The following CNTRL variants were observed in gnomAD, a reference collection of about 807,000 sequenced individuals.
The protein encoded by CNTRL is 110 kDa centrosomal protein.
A neutral mutation model predicts 303.7 loss-of-function variants in CNTRL; 233 were observed. The ratio of observed to expected loss-of-function variants is 0.77; its 90% CI spans 0.69 to 0.86. The LOEUF (loss-of-function observed/expected upper bound fraction) is 0.86, where lower values mean the gene tolerates loss of function less well. Among genes scored for constraint, CNTRL ranks in the 40% least tolerant of loss-of-function variants. The pLI is 0.00. For missense variants in CNTRL, 2,524 were observed against 2,650.6 expected, an observed-to-expected ratio of 0.95 and a Z score of 1.05; for synonymous variants, 900 against 922.2, an observed-to-expected ratio of 0.98 and a Z score of 0.44.
chr9:121,158,200 C>T (rs550932942), intron 30 of CNTRL, 91 bp downstream of exon 30: 34 of 1,431,374 alleles, frequency 2.4e-5, no homozygotes, highest in African/African-American at 1.2e-4. Context: ...AGAATAAATG[C>T]GGCTATGTAT....
intron 8 of CNTRL, among the ~76,000 whole-genome samples, chr9:121,110,009 C>A (rs2133068893): frequency 6.6e-6 from 1 of 152,164 alleles, no homozygotes; most frequent in East Asian, 1.9e-4. Context: ...TTTTTATTAT[C>A]TTTTGCAGAA....
chr9:121,113,657 C>T lies in CNTRL; in HGVS notation c.1278C>T (p.His426=), dbSNP rs763230429. The change falls in exon 10 of 44, where the codon CAC becomes CAT. Residue 426 remains histidine (H), a synonymous_variant. Transcript: ENST00000373855. ...CAGATGAACAACTTAGAAATGATCA[C>T]ATGAACTTGAGAGGCCACACACCAC... ...MEPDEQLRND[H]MNLRGHTPLD... is the part of the protein sequence containing the mutation. The T allele has an allele frequency of 2.4e-5, 39 of 1,603,652 alleles. No individual in the cohort carries two copies. Among genetic ancestry groups the T allele is most frequent in the Non-Finnish European group, 3.1e-5 (37 of 1,176,428 alleles).
intron 16 of CNTRL, among the ~76,000 whole-genome samples, chr9:121,139,549 C>T (rs2133948710): frequency 6.6e-6 from 1 of 152,310 alleles, no homozygotes; most frequent in Non-Finnish European, 1.5e-5. Flanking sequence ...TTAATTTTTA[C>T]TGCTCTCAGT....
At chr9:121,161,804 GT>G in intron 32 of CNTRL, 51 bp from the exon 33 acceptor site, 1 of 1,344,494 alleles carries the variant, frequency 7.4e-7, no homozygotes, top group Middle Eastern at 1.8e-4. Context: ...TTTTGTAAAT[GT>G]TTTCCAAGTT....
intron 34 of CNTRL, among the ~76,000 whole-genome samples, chr9:121,162,998 A>G (rs2052920698): frequency 6.6e-6 from 1 of 152,094 alleles, no homozygotes; most frequent in Admixed American, 6.6e-5. Flanking sequence ...TACAAAACCA[A>G]AAAAAGAATC....
chr9:121,077,343 C>T (rs1431177300), intron 1 of CNTRL, among the ~76,000 whole-genome samples: 2 of 151,648 alleles, frequency 1.3e-5, no homozygotes, highest in Non-Finnish European at 1.5e-5. Flanking sequence ...AAACAACATC[C>T]TAGATCAAAC....
At chr9:121,154,682 A>G in intron 26 of CNTRL, 39 bp from the exon 27 acceptor site, 1 of 1,276,718 alleles carries the variant, frequency 7.8e-7, no homozygotes, top group Non-Finnish European at 1.1e-6. Flanking sequence ...TATTGTCTAC[A>G]TTTAACATTT....
At chr9:121,103,478 C>T (rs2049288697) in intron 7 of CNTRL, among the ~76,000 whole-genome samples, 1 of 152,196 alleles carries the variant, frequency 6.6e-6, no homozygotes, top group African/African-American at 2.4e-5. Flanking sequence ...CTATTCAGGA[C>T]ATAGGCATGG....
At position 121,157,890 on chromosome 9, in the gene CNTRL, G is replaced by A. The variant is rs368232062; in HGVS notation, c.4637+10G>A. The A allele has an allele frequency of 5.1e-5, 82 of 1,613,760 alleles. 1 individual carries two copies. In the African/African-American group the frequency reaches 9.2e-4, roughly 18 times the overall value. On this transcript the variant is annotated intron_variant, in intron 29 of 43. Transcript: ENST00000373855. ...AAAAACTGACAGAAGAGTAAGTAAG[G>A]CCTCTGTAGGGCTACAAGGGGTTTG...
In CNTRL at chr9:121,169,755, A is replaced by G. The variant is rs1564304064; in HGVS notation, c.6215A>G (p.Gln2072Arg). ...FLTERKKAEKQVASLKEALKI... is the reference protein window; with the variant it reads ...FLTERKKAEKRVASLKEALKI... ...ACAGAAAGAAAGAAAGCTGAGAAGC[A>G]GGTGGCCAGCCTGAAGGAAGCACTT... The change falls in exon 39 of 44, where the codon CAG (glutamine) becomes CGG (arginine). Residue 2072 changes from glutamine to arginine, a missense_variant. Physicochemically the swap from Gln to Arg is conservative, Grantham distance 43. Transcript: ENST00000373855. 6.2e-7 allele frequency: 1 copy of G among 1,614,218 alleles called. No homozygotes were observed. The highest frequency in any genetic ancestry group is 8.5e-7 in the Non-Finnish European group (1 of 1,180,030).
At position 121,135,946 on chromosome 9, in the gene CNTRL, CA is replaced by C. The variant is rs780591612; in HGVS notation, c.2168del (p.Lys723ArgfsTer7). ...TAAGGGATGCTGAAGCCAACCAGCT[CA>C]AGGAAGAGTTGGAAAAAGTAACAAG... Reference protein sequence around the residue: ...NLRDAEANQLKEELEKVTRLT... With the variant: ...NLRDAEANQLXEELEKVTRLT... On this transcript the variant is annotated frameshift_variant, in exon 15 of 44. Coordinates refer to ENST00000373855, the MANE Select transcript of CNTRL (RefSeq NM_007018.6). LOFTEE classifies it high-confidence loss of function. The C allele has an allele frequency of 6.2e-7, 1 of 1,612,170 alleles. No homozygotes were observed. The highest frequency in any genetic ancestry group is 8.5e-7 in the Non-Finnish European group (1 of 1,178,730).
intron 8 of CNTRL, chr9:121,111,226 G>C (rs2049733547): frequency 6.6e-6 from 1 of 152,150 alleles, no homozygotes; most frequent in Non-Finnish European, 1.5e-5. Flanking sequence ...TTGAAATCAG[G>C]AGACTTGGAA....
chr9:121,083,891 T>C (rs2048242893), intron 2 of CNTRL, among the ~76,000 whole-genome samples: 1 of 152,240 alleles, frequency 6.6e-6, no homozygotes, highest in Non-Finnish European at 1.5e-5. Context: ...CTGTCATGTA[T>C]GTGGTCCGTT....
At chr9:121,123,120 A>G (rs2050323485) in intron 12 of CNTRL, among the ~76,000 whole-genome samples, 1 of 152,174 alleles carries the variant, frequency 6.6e-6, no homozygotes, top group South Asian at 2.1e-4. Context: ...TTACTTATCT[A>G]CTATAAAAGT....
At chr9:121,154,948 T>A in intron 27 of CNTRL, 35 bp downstream of exon 27, 1 of 1,560,314 alleles carries the variant, frequency 6.4e-7, no homozygotes. Flanking sequence ...GTGAGCTCAG[T>A]GTGGGTGAGT....
intron 8 of CNTRL, among the ~76,000 whole-genome samples, chr9:121,108,748 A>G (rs896321488): frequency 6.6e-6 from 1 of 152,166 alleles, no homozygotes; most frequent in Non-Finnish European, 1.5e-5. Flanking sequence ...AGCCTGGGCA[A>G]CATAATGAGA....
At chr9:121,159,197 C>G (rs527592662) in intron 31 of CNTRL, among the ~76,000 whole-genome samples, 178 bp downstream of exon 31, 1 of 152,246 alleles carries the variant, frequency 6.6e-6, no homozygotes, top group South Asian at 2.1e-4. Context: ...GTAGTTCCCC[C>G]TCTGTTGTTT....
chr9:121,161,875 C>T lies in CNTRL; in HGVS notation c.5109C>T (p.Asp1703=), dbSNP rs1166362929. 6.2e-7 allele frequency: 1 copy of T among 1,613,458 alleles called. No individual in the cohort carries two copies. Among genetic ancestry groups the T allele is most frequent in the East Asian group, 2.2e-5 (1 of 44,870 alleles). ...KHKTELKNIL[D]MLQLENHELQ... ...CCTTAGAACTAAAGAATATTCTGGA[C>T]ATGTTGCAACTTGAAAACCATGAGC... is the stretch of plus-strand genomic sequence containing the variant. The change falls in exon 33 of 44, where the codon GAC becomes GAT. Residue 1703 remains aspartate, a synonymous_variant. Coordinates refer to ENST00000373855, the MANE Select transcript of CNTRL (RefSeq NM_007018.6).
intron 22 of CNTRL, among the ~76,000 whole-genome samples, chr9:121,145,846 G>A (rs2051817712): frequency 6.6e-6 from 1 of 152,198 alleles, no homozygotes; most frequent in Non-Finnish European, 1.5e-5. Context: ...GCAGTGAGCC[G>A]AGATTGGGCC....
Sources: allele counts gnomAD v4.1 joint callset (sites outside exome capture counted in the v4.1 genomes callset), GRCh38; gene constraint gnomAD v4.1.1; transcripts MANE v1.5; gene names NCBI Gene and HGNC (gene_info 2026-07-23, HGNC 2026-07-21).